GSDME: variants seen among roughly 807,000 people sequenced by gnomAD.
GSDME encodes gasdermin E.
GSDME carries 44 observed loss-of-function variants against 47.5 expected under a neutral mutation model. That is an observed-to-expected ratio of 0.93 (90% CI 0.73 to 1.19). The LOEUF (loss-of-function observed/expected upper bound fraction) is 1.19, where lower values mean the gene tolerates loss of function less well. Ranked by LOEUF, GSDME falls within the 50% of genes most tolerant of loss-of-function variation. The probability of loss-of-function intolerance (pLI) is 0.00; values close to 1 mark genes in which losing one functional copy is unlikely to be tolerated. For synonymous variants in GSDME, 258 were observed against 252.8 expected (o/e 1.02, Z -0.20); for missense variants, 663 against 604.2 (o/e 1.10, Z -1.02).
At chr7:24,740,245 G>A (rs938423414) in intron 3 of GSDME, among the ~76,000 whole-genome samples, 4 of 152,106 alleles carry the variant, frequency 2.6e-5, no homozygotes, top group African/African-American at 9.7e-5. Context: ...TTGACCTCAT[G>A]GAGATAGAAA....
At chr7:24,709,111 A>G (rs1240458258) in intron 6 of GSDME, among the ~76,000 whole-genome samples, 1 of 152,216 alleles carries the variant, frequency 6.6e-6, no homozygotes, top group Admixed American at 6.5e-5. Flanking sequence ...AGTAACCAAC[A>G]TATTTCAAAA....
intron 6 of GSDME, 91 bp from the exon 7 acceptor site, chr7:24,708,345 A>C: frequency 1.4e-6 from 2 of 1,479,622 alleles, no homozygotes; most frequent in Non-Finnish European, 1.9e-6. Context: ...CCTAATCGTC[A>C]TCAGTTCTTT....
chr7:24,710,510 C>T, intron 5 of GSDME, 122 bp from the exon 6 acceptor site: 1 of 907,844 alleles, frequency 1.1e-6, no homozygotes. Context: ...GAGCAGAAGA[C>T]CCATCCATCT....
rs1203457029 is a variant in GSDME, at chr7:24,716,101, C to T, written c.697+1153G>A. On this transcript the variant is annotated intron_variant, in intron 5 of 9. Coordinates refer to ENST00000645220, the MANE Select transcript of GSDME (RefSeq NM_001127453.2). This position sits in a 1 kb window ranked among gnomAD's most constrained non-coding sequence, Gnocchi z 4.5. ...TGTCTCACGGGAGACTGCCCCCCAC[C>T]CGCCTTCCACAAATGGGGGAGAAGC... is the stretch of plus-strand genomic sequence containing the variant. Among the ~76,000 whole-genome samples, 1 of 152,226 alleles carries T rather than the reference C, an allele frequency of 6.6e-6. No individual in the cohort carries two copies. Among genetic ancestry groups the T allele is most frequent in the Non-Finnish European group, 1.5e-5 (1 of 68,052 alleles).
the GSDME span, among the ~76,000 whole-genome samples, chr7:24,763,812 C>G: frequency 6.6e-6 from 1 of 152,162 alleles, no homozygotes; most frequent in African/African-American, 2.4e-5. This position sits in a 1 kb window ranked among gnomAD's most constrained non-coding sequence, Gnocchi z 4.3. Flanking sequence ...GTTTCGAGAG[C>G]AGTGGCCGAC....
chr7:24,720,349 G>A (rs1461454386), intron 3 of GSDME, among the ~76,000 whole-genome samples: 1 of 152,164 alleles, frequency 6.6e-6, no homozygotes, highest in Non-Finnish European at 1.5e-5. Context: ...AAAAATTATG[G>A]TATCCATGCT....
chr7:24,731,991 A>G (rs1453866647), intron 3 of GSDME, among the ~76,000 whole-genome samples: 1 of 152,222 alleles, frequency 6.6e-6, no homozygotes, highest in Non-Finnish European at 1.5e-5. Context: ...GGAGACCAGC[A>G]TAAAGAGGTA....
chr7:24,794,920 T>C, the GSDME span, among the ~76,000 whole-genome samples: 1 of 152,072 alleles, frequency 6.6e-6, no homozygotes, highest in African/African-American at 2.4e-5. Context: ...AGAACCGAAA[T>C]CAAAGCCAAA....
chr7:24,699,425 C>T lies in GSDME; in HGVS notation c.1258-166G>A, dbSNP rs561614190. On this transcript the variant is annotated intron_variant, in intron 9 of 9. Transcript: ENST00000645220. ...TGGCGTGATCTCGGCTCACTGCAAC[C>T]TCCAGCTCCCAGGTTCAAGCGATTC... Among the ~76,000 whole-genome samples the T allele has an allele frequency of 6.6e-5, 10 of 152,284 alleles. No individual in the cohort carries two copies. The East Asian group carries it at 1.9e-3, about 29-fold the overall frequency.
chr7:24,718,903 C>T, intron 4 of GSDME, 144 bp downstream of exon 4: 1 of 912,852 alleles, frequency 1.1e-6, no homozygotes, highest in Non-Finnish European at 1.7e-6. Context: ...TACACTCTTG[C>T]TCATTTAAGA....
intron 3 of GSDME, among the ~76,000 whole-genome samples, chr7:24,743,077 G>A (rs1230654476): frequency 2.6e-5 from 4 of 152,136 alleles, no homozygotes; most frequent in Admixed American, 6.5e-5. Context: ...GGCAGTAAAC[G>A]CACAGCCATG....
the GSDME span, among the ~76,000 whole-genome samples, chr7:24,794,149 TTC>T: frequency 4.6e-5 from 7 of 151,332 alleles, no homozygotes; most frequent in African/African-American, 1.4e-4. Flanking sequence ...ATCTCTCTCT[TTC>T]TCTCTTTGAC....
At chr7:24,703,307 C>G in intron 8 of GSDME, 1 of 260,216 alleles carries the variant, frequency 3.8e-6, no homozygotes. Context: ...TACCCCATCA[C>G]CAATCATTTT....
intron 2 of GSDME, among the ~76,000 whole-genome samples, chr7:24,749,217 A>C (rs1790774563): frequency 6.6e-6 from 1 of 152,072 alleles, no homozygotes; most frequent in Non-Finnish European, 1.5e-5. Context: ...AAGAAGAATC[A>C]TCGACCAGGC....
At chr7:24,771,043 G>A in the GSDME span, among the ~76,000 whole-genome samples, 1 of 151,936 alleles carries the variant, frequency 6.6e-6, no homozygotes, top group Admixed American at 6.6e-5. This position sits in a 1 kb window ranked among gnomAD's most constrained non-coding sequence, Gnocchi z 4.1. Flanking sequence ...ACAGACCCAG[G>A]AATATCAGAG....
rs1199331803 is a variant in GSDME, at chr7:24,716,465, TTTA to T, written c.697+786_697+788del. On this transcript the variant is annotated intron_variant, in intron 5 of 9. Transcript: ENST00000645220. The surrounding 1 kb of genome is among the most constrained non-coding windows in gnomAD (Gnocchi z 4.5). ...TTGTCACACCTAAAAAACTTCACAATTTATTATGTTACATTTACCCACTCATGT... is the reference window on the plus strand; with the variant it reads ...TTGTCACACCTAAAAAACTTCACAATTTATGTTACATTTACCCACTCATGT... 8.5e-5 allele frequency: 13 copies of T among 152,398 alleles called. No individual in the cohort carries two copies. The highest frequency in any genetic ancestry group is 2.4e-4 in the African/African-American group (10 of 41,464). 9.4% of individuals were successfully genotyped at this position (152,398 alleles called of 1,614,324 possible).
At chr7:24,729,626 G>A (rs1472281141) in intron 3 of GSDME, among the ~76,000 whole-genome samples, 1 of 152,274 alleles carries the variant, frequency 6.6e-6, no homozygotes, top group Non-Finnish European at 1.5e-5. Context: ...TCATGCCTCT[G>A]TGCAGACAGG....
chr7:24,791,874 CGTG>C, the GSDME span, among the ~76,000 whole-genome samples: 1 of 152,288 alleles, frequency 6.6e-6, no homozygotes, highest in South Asian at 2.1e-4. This position sits in a 1 kb window ranked among gnomAD's most constrained non-coding sequence, Gnocchi z 4.8. Flanking sequence ...TCCTTGCTGT[CGTG>C]AGAGACACGA....
chr7:24,700,936 T>C (rs1788840113), intron 9 of GSDME, among the ~76,000 whole-genome samples: 1 of 152,144 alleles, frequency 6.6e-6, no homozygotes, highest in Admixed American at 6.5e-5. Flanking sequence ...CCACAGGCAT[T>C]TCTAGGTATA....
Sources: gnomAD v4.1 joint callset for allele counts (sites outside exome capture counted in the v4.1 genomes callset) on GRCh38, gnomAD v4.1.1 for gene constraint, Gnocchi (gnomAD v3.1) non-coding constraint, MANE v1.5 for transcripts, NCBI Gene and HGNC (gene_info 2026-07-23, HGNC 2026-07-21) for gene names.